Variants in COL17A1 observed in about 807,000 individuals in gnomAD.
COL17A1 encodes collagen type XVII alpha 1 chain.
A neutral mutation model predicts 218.4 loss-of-function variants in COL17A1; 181 were observed. That is an observed-to-expected ratio of 0.83 (90% CI 0.73 to 0.94). The LOEUF (loss-of-function observed/expected upper bound fraction) is 0.94. COL17A1 is among the 40% of genes least tolerant of loss of function. The pLI is 0.00. For missense variants in COL17A1, 1,924 were observed against 1,945.9 expected (o/e 0.99, Z 0.21); for synonymous variants, 721 against 731.0 (o/e 0.99, Z 0.22).
chr10:104,078,202 T>C (rs1438841215), intron 3 of COL17A1, among the ~76,000 whole-genome samples: 1 of 152,160 alleles, frequency 6.6e-6, no homozygotes, highest in Non-Finnish European at 1.5e-5. Flanking sequence ...TTTTAGCATC[T>C]GGAATAGGCA....
chr10:104,039,575 C>T (rs747756441), intron 42 of COL17A1, 33 bp downstream of exon 42: 21 of 1,614,032 alleles, frequency 1.3e-5, no homozygotes, highest in Admixed American at 3.3e-5. Context: ...AGGCTCTGGC[C>T]AGAGCCAGAA....
At chr10:104,076,606 T>C (rs1564687041) in intron 4 of COL17A1, among the ~76,000 whole-genome samples, 177 bp from the exon 5 acceptor site, 1 of 152,206 alleles carries the variant, frequency 6.6e-6, no homozygotes, top group Non-Finnish European at 1.5e-5. Context: ...GTGGAATTAT[T>C]GCCTGGGAAC....
At chr10:104,068,134 A>T (rs908855897) in intron 9 of COL17A1, among the ~76,000 whole-genome samples, 6 of 152,204 alleles carry the variant, frequency 3.9e-5, no homozygotes, top group African/African-American at 1.4e-4. Context: ...AATATATTAA[A>T]TCAAAGAGTT....
Position 104,077,431 on chromosome 10 carries a change from T to C in COL17A1, c.193A>G (p.Ile65Val), listed in dbSNP as rs1484997397. 2.5e-6 allele frequency: 4 copies of C among 1,612,478 alleles called. No homozygotes were observed. The highest frequency in any genetic ancestry group is 2.2e-5 in the East Asian group (1 of 44,870). The change falls in exon 4 of 56, where the codon ATA becomes GTA. Residue 65 changes from isoleucine to valine, a missense_variant. Transcript: ENST00000648076. ...QSLTHGSSGY[I>V]NSTGSTRGHA... is the part of the protein sequence containing the mutation. Reference sequence around the variant, plus strand: ...ACTAGTGGGCACTCACTTGAGTTTATGTAGCCGCTGCTGCCATGAGTCAGG... The same window carrying C: ...ACTAGTGGGCACTCACTTGAGTTTACGTAGCCGCTGCTGCCATGAGTCAGG...
chr10:104,038,664 T>A (rs960832432), intron 44 of COL17A1, 136 bp from the exon 45 acceptor site: 28 of 1,116,036 alleles, frequency 2.5e-5, no homozygotes, highest in Non-Finnish European at 3.5e-5. Flanking sequence ...AGGAGAAGGG[T>A]CCCCGAGAAG....
At chr10:104,047,615 T>C (rs1252687971) in intron 31 of COL17A1, 124 bp downstream of exon 31, 1 of 801,342 alleles carries the variant, frequency 1.2e-6, no homozygotes, top group Non-Finnish European at 2.2e-6. Context: ...ACCATGCACA[T>C]ATACACCCCT....
At position 104,047,791 on chromosome 10, in the gene COL17A1, C is replaced by A. The variant is rs1249161199; in HGVS notation, c.2283G>T (p.Gly761=). The change falls in exon 31 of 56, where the codon GGG becomes GGT. Residue 761 remains glycine (G), a synonymous_variant. Coordinates refer to ENST00000648076, the MANE Select transcript of COL17A1 (RefSeq NM_000494.4). The part of the protein sequence containing the change: ...QGPRGEQGLT[G]MPGIRGPPGP... ...CTGGTGGGCCACGGATTCCAGGCAT[C>A]CCAGTAAGACCTTGTTCACCTAGAG... is the stretch of plus-strand genomic sequence containing the variant. The A allele has an allele frequency of 6.2e-7, 1 of 1,614,150 alleles. No homozygotes were observed. Among genetic ancestry groups the A allele is most frequent in the South Asian group, 1.1e-5 (1 of 91,082 alleles).
At position 104,034,334 on chromosome 10, in the gene COL17A1, C is replaced by T. The variant is rs1179680403; in HGVS notation, c.3767G>A (p.Ser1256Asn). Residue 1256 changes from serine to asparagine, a missense_variant and splice_region_variant, in exon 52 of 56, where the codon AGT becomes AAT. Physicochemically the swap from Ser to Asn is conservative, Grantham distance 46. Transcript: ENST00000648076. ...FRSELISYLT[S>N]PDVRSFIVGP... The stretch of plus-strand genomic sequence containing the variant: ...AACAATGAAGCTGCGCACATCAGGA[C>T]CTGCAGGGTGAGAAGCTGCATGAGT... 43 of 1,551,358 alleles carry T rather than the reference C, an allele frequency of 2.8e-5. No homozygotes were observed. The highest frequency in any genetic ancestry group is 3.5e-5 in the Non-Finnish European group (40 of 1,155,378).
chr10:104,084,011 A>T (rs1381591918), intron 1 of COL17A1, among the ~76,000 whole-genome samples: 2 of 152,236 alleles, frequency 1.3e-5, no homozygotes, highest in African/African-American at 4.8e-5. Flanking sequence ...CAGCAGTTTG[A>T]TGCCAGGAAA....
At chr10:104,066,896 T>C (rs960851163) in intron 9 of COL17A1, among the ~76,000 whole-genome samples, 10 of 152,198 alleles carry the variant, frequency 6.6e-5, no homozygotes, top group Admixed American at 6.5e-5. Flanking sequence ...GATATGTAAG[T>C]GTGCCTCTAA....
intron 33 of COL17A1, among the ~76,000 whole-genome samples, chr10:104,044,898 T>C (rs1355543926): frequency 6.6e-6 from 1 of 152,056 alleles, no homozygotes; most frequent in African/African-American, 2.4e-5. Flanking sequence ...ATAAACTCAG[T>C]TATCATTATT....
intron 25 of COL17A1, 50 bp downstream of exon 25, chr10:104,051,431 C>T (rs778659607): frequency 1.9e-6 from 3 of 1,609,436 alleles, no homozygotes; most frequent in Non-Finnish European, 2.6e-6. Context: ...TTTAACATTG[C>T]CACCTTTGCC....
intron 9 of COL17A1, among the ~76,000 whole-genome samples, chr10:104,067,814 G>T (rs929411827): frequency 1.3e-5 from 2 of 151,682 alleles, no homozygotes; most frequent in East Asian, 3.9e-4. Context: ...AAGGGAAAGA[G>T]AAAACAGGGA....
At chr10:104,060,939 A>C (rs1219835727) in intron 13 of COL17A1, among the ~76,000 whole-genome samples, 1 of 152,240 alleles carries the variant, frequency 6.6e-6, no homozygotes, top group African/African-American at 2.4e-5. Flanking sequence ...CAATAAATGA[A>C]TTGTTGAATG....
Position 104,054,863 on chromosome 10 carries a change from C to A in COL17A1, c.1744+118G>T. The A allele has an allele frequency of 2.0e-6, 3 of 1,496,720 alleles. No individual in the cohort carries two copies. In the South Asian group the frequency reaches 3.5e-5, roughly 18 times the overall value. The allele number at this position is 1,496,720 out of a possible 1,614,324, so 92.7% of individuals were successfully genotyped here. ...AAACCTCTCCTCCTCACACACCTGTCCCATCTGTTGTCAAATTACTTCTTG... is the reference window on the plus strand; with the variant it reads ...AAACCTCTCCTCCTCACACACCTGTACCATCTGTTGTCAAATTACTTCTTG... On this transcript the variant is annotated intron_variant, in intron 20 of 55. Transcript: ENST00000648076.
chr10:104,065,946 C>A (rs1031402182), intron 9 of COL17A1, among the ~76,000 whole-genome samples: 2 of 152,166 alleles, frequency 1.3e-5, no homozygotes, highest in East Asian at 3.8e-4. Context: ...CTTAGGTCAG[C>A]AAACTACAGA....
chr10:104,053,701 T>C (rs1003099945), intron 22 of COL17A1, among the ~76,000 whole-genome samples: 2 of 152,084 alleles, frequency 1.3e-5, no homozygotes, highest in Admixed American at 1.3e-4. Flanking sequence ...ATGTCGTGCA[T>C]CACCCGTAAA....
At chr10:104,044,199 G>C (rs775919110) in intron 33 of COL17A1, among the ~76,000 whole-genome samples, 1 of 152,198 alleles carries the variant, frequency 6.6e-6, no homozygotes, top group East Asian at 1.9e-4. Flanking sequence ...ATCGCCTTAG[G>C]TGGGAAAATT....
chr10:104,061,488 G>C lies in COL17A1; in HGVS notation c.911-15C>G, dbSNP rs771430656. On this transcript the variant is annotated splice_polypyrimidine_tract_variant and intron_variant, in intron 12 of 55. Transcript: ENST00000648076. ...CACCCCATATGCTGCAAGAAAGGAA[G>C]CTGGGTCAGCATGGGAGGGTGGTTC... 1 of 1,611,620 alleles carries C rather than the reference G, an allele frequency of 6.2e-7. No homozygotes were observed. The highest frequency in any genetic ancestry group is 8.5e-7 in the Non-Finnish European group (1 of 1,178,924).
Sources: allele counts gnomAD v4.1 joint callset (sites outside exome capture counted in the v4.1 genomes callset), GRCh38; gene constraint gnomAD v4.1.1; transcripts MANE v1.5; gene names NCBI Gene and HGNC (gene_info 2026-07-23, HGNC 2026-07-21).